The following RHEB variants were observed in gnomAD, a reference collection of about 807,000 sequenced individuals.
RHEB encodes GTP-binding protein Rheb.
A neutral mutation model predicts 28.8 loss-of-function variants in RHEB; 2 were observed. The observed-to-expected ratio is 0.07, with a 90% CI of 0.03 to 0.22. RHEB has a LOEUF of 0.22. RHEB is among the 10% of genes least tolerant of loss of function. The pLI is 1.00. For synonymous variants in RHEB, 69 were observed against 77.3 expected, an observed-to-expected ratio of 0.89 and a Z score of 0.56; for missense variants, 76 against 219.9, an observed-to-expected ratio of 0.35 and a Z score of 4.14.
intron 1 of RHEB, chr7:151,502,190 C>T (rs1802784312): frequency 2.2e-6 from 1 of 449,626 alleles, no homozygotes. Context: ...GAGGCAAGAT[C>T]ACGCCACTGT....
At chr7:151,485,019 G>C (rs191774824) in intron 2 of RHEB, among the ~76,000 whole-genome samples, 3 of 152,204 alleles carry the variant, frequency 2.0e-5, no homozygotes, top group Admixed American at 2.0e-4. Context: ...ATCAAGCTTG[G>C]TAAACCTTGA....
At chr7:151,515,741 T>C (rs1312060832) in intron 1 of RHEB, among the ~76,000 whole-genome samples, 1 of 152,196 alleles carries the variant, frequency 6.6e-6, no homozygotes, top group Non-Finnish European at 1.5e-5. Context: ...CAACCAAATA[T>C]TTAATGACAT....
chr7:151,475,896 A>G (rs1802263135), intron 4 of RHEB, among the ~76,000 whole-genome samples: 1 of 152,214 alleles, frequency 6.6e-6, no homozygotes. Context: ...AGAGCAAATA[A>G]AAGGATGTTA....
intron 2 of RHEB, among the ~76,000 whole-genome samples, chr7:151,485,243 T>G (rs1453573216): frequency 6.6e-6 from 1 of 152,168 alleles, no homozygotes; most frequent in Non-Finnish European, 1.5e-5. Flanking sequence ...GCTAAGAACT[T>G]TTAGTACATA....
At chr7:151,512,959 G>T (rs1167005870) in intron 1 of RHEB, among the ~76,000 whole-genome samples, 1 of 152,190 alleles carries the variant, frequency 6.6e-6, no homozygotes, top group Non-Finnish European at 1.5e-5. Flanking sequence ...CCCTTGGCAT[G>T]AATCAAAAAC....
chr7:151,517,952 A>C (rs1803110907), intron 1 of RHEB: 1 of 152,220 alleles, frequency 6.6e-6, no homozygotes, highest in South Asian at 2.1e-4. Context: ...ACTCCTCAAA[A>C]TGCAGAGGAG....
chr7:151,480,148 T>C (rs1322041919), intron 3 of RHEB, among the ~76,000 whole-genome samples: 2 of 152,150 alleles, frequency 1.3e-5, no homozygotes, highest in African/African-American at 4.8e-5. Flanking sequence ...AACCCTATGA[T>C]AGCCCACATC....
chr7:151,480,926 C>T (rs546460623), intron 3 of RHEB, among the ~76,000 whole-genome samples: 191 of 152,262 alleles, frequency 1.3e-3, no homozygotes, highest in African/African-American at 4.4e-3. Flanking sequence ...TAAAGTGATC[C>T]ACCCGCCTTG....
At chr7:151,478,536 CTG>C (rs1209238019) in intron 3 of RHEB, among the ~76,000 whole-genome samples, 1 of 152,046 alleles carries the variant, frequency 6.6e-6, no homozygotes, top group Non-Finnish European at 1.5e-5. Context: ...TAAAGGGAAA[CTG>C]TGGAAACATA....
At position 151,493,135 on chromosome 7, in the gene RHEB, C is replaced by G. The variant is rs572416693; in HGVS notation, c.53-2121G>C. On this transcript the variant is annotated intron_variant, in intron 1 of 7. Transcript: ENST00000262187. ...GGATGACAGGCGTGAGCCACCGCGC[C>G]TGCCCTAAATTCCCAGCTTCTAACC... Among the ~76,000 whole-genome samples the G allele has an allele frequency of 2.6e-5, 4 of 152,256 alleles. No individual in the cohort carries two copies. The South Asian group carries it at 8.3e-4, about 32-fold the overall frequency.
chr7:151,498,893 A>T (rs1481001121), intron 1 of RHEB, among the ~76,000 whole-genome samples: 1 of 149,950 alleles, frequency 6.7e-6, no homozygotes, highest in Non-Finnish European at 1.5e-5. Flanking sequence ...ATTCCATTCC[A>T]TTCTGAATCC....
intron 1 of RHEB, among the ~76,000 whole-genome samples, chr7:151,511,340 G>A (rs974845914): frequency 1.1e-4 from 17 of 152,160 alleles, no homozygotes; most frequent in African/African-American, 3.6e-4. Flanking sequence ...GAGTCCTTCT[G>A]CAAACATGTA....
rs1211042918 is a variant in RHEB, at chr7:151,471,621, T to G, written c.276-16A>C. The G allele has an allele frequency of 3.3e-6, 5 of 1,511,376 alleles. No homozygotes were observed. The highest frequency in any genetic ancestry group is 1.9e-4 in the Middle Eastern group (1 of 5,252). The allele number at this position is 1,511,376 out of a possible 1,614,324, so 93.6% of individuals were successfully genotyped here. ...CACTTCAAAACTATAAAACAAAAAG[T>G]ATAAATTAGACATCCATTTTAATGT... On this transcript the variant is annotated splice_polypyrimidine_tract_variant and intron_variant, in intron 4 of 7. Transcript: ENST00000262187.
intron 6 of RHEB, 65 bp downstream of exon 6, chr7:151,471,329 C>T: frequency 1.9e-6 from 2 of 1,065,170 alleles, no homozygotes; most frequent in Non-Finnish European, 2.9e-6. Flanking sequence ...GACATCAGAA[C>T]AATAATTAAA....
In RHEB at chr7:151,468,005, G is replaced by A. The variant is rs1173674563; in HGVS notation, c.463-794C>T. Among the ~76,000 whole-genome samples the A allele has an allele frequency of 1.3e-5, 2 of 152,192 alleles. No homozygotes were observed. Among genetic ancestry groups the A allele is most frequent in the East Asian group, 1.9e-4 (1 of 5,160 alleles). On this transcript the variant is annotated intron_variant, in intron 7 of 7. Transcript: ENST00000262187. The surrounding 1 kb of genome is among the most constrained non-coding windows in gnomAD (Gnocchi z 4.3). ...TTATGCACCAGGACAACAGGCCTGA[G>A]CCACCGTGACTCCCAGACCCTGTCC...
chr7:151,489,096 T>C (rs1393308723), intron 2 of RHEB, among the ~76,000 whole-genome samples: 1 of 152,178 alleles, frequency 6.6e-6, no homozygotes, highest in Non-Finnish European at 1.5e-5. Flanking sequence ...GCCCAGCTAA[T>C]TCCAGCTCAG....
intron 1 of RHEB, chr7:151,498,050 G>C (rs1178164033): frequency 1.5e-5 from 17 of 1,163,472 alleles, no homozygotes; most frequent in Non-Finnish European, 1.9e-5. Context: ...GCACCTTACA[G>C]AAAATGATCT....
At chr7:151,494,240 T>A (rs1802636778) in intron 1 of RHEB, among the ~76,000 whole-genome samples, 2 of 152,222 alleles carry the variant, frequency 1.3e-5, no homozygotes, top group Admixed American at 1.3e-4. Flanking sequence ...ATACATGGGA[T>A]AAGCTCCCCA....
In RHEB at chr7:151,495,402, C is replaced by T. The variant is rs183049937; in HGVS notation, c.53-4388G>A. ...ACTCTTCCTCCAAACCAAAACCCAC[C>T]TTAACTTTTAAAAATAAAAATTATT... On this transcript the variant is annotated intron_variant, in intron 1 of 7. Coordinates refer to ENST00000262187, the MANE Select transcript of RHEB (RefSeq NM_005614.4). Among the ~76,000 whole-genome samples the T allele has an allele frequency of 2.0e-3, 312 of 152,294 alleles. 2 individuals carry two copies. The highest frequency in any genetic ancestry group is 3.7e-3 in the Non-Finnish European group (249 of 68,016).
Sources: allele counts gnomAD v4.1 joint callset (sites outside exome capture counted in the v4.1 genomes callset), GRCh38; gene constraint gnomAD v4.1.1; non-coding constraint Gnocchi (gnomAD v3.1); transcripts MANE v1.5; gene names NCBI Gene and HGNC (gene_info 2026-07-23, HGNC 2026-07-21).